RASGRP1: variants seen among roughly 807,000 people sequenced by gnomAD.
RASGRP1 encodes RAS guanyl releasing protein 1.
A neutral mutation model predicts 95.1 loss-of-function variants in RASGRP1; 37 were observed. The observed-to-expected ratio is 0.39, with a 90% CI of 0.30 to 0.51. The LOEUF is 0.51. RASGRP1 is among the 20% of genes least tolerant of loss of function. RASGRP1 has a pLI of 0.80. For missense variants in RASGRP1, 711 were observed against 965.4 expected, an observed-to-expected ratio of 0.74 and a Z score of 3.49; for synonymous variants, 325 against 353.4, an observed-to-expected ratio of 0.92 and a Z score of 0.90.
At chr15:38,499,110 G>C in intron 14 of RASGRP1, 164 bp from the exon 15 acceptor site, 1 of 962,000 alleles carries the variant, frequency 1.0e-6, no homozygotes, top group Non-Finnish European at 1.7e-6. Flanking sequence ...CTTCTCACTT[G>C]GTGAAGCCCA....
At chr15:38,536,491 T>C (rs1037692378) in intron 2 of RASGRP1, among the ~76,000 whole-genome samples, 4 of 152,256 alleles carry the variant, frequency 2.6e-5, no homozygotes, top group Non-Finnish European at 4.4e-5. Context: ...TTTTCAGACA[T>C]GCCCAATAGG....
At chr15:38,530,792 A>C (rs1892403708) in intron 2 of RASGRP1, among the ~76,000 whole-genome samples, 1 of 152,228 alleles carries the variant, frequency 6.6e-6, no homozygotes, top group East Asian at 1.9e-4. Flanking sequence ...CTATGGAAGG[A>C]TTCCAGGAAC....
chr15:38,548,950 A>G (rs1271184191), intron 2 of RASGRP1, among the ~76,000 whole-genome samples: 4 of 152,210 alleles, frequency 2.6e-5, no homozygotes, highest in Non-Finnish European at 5.9e-5. Flanking sequence ...CACAGACACA[A>G]TAAATGTAGG....
chr15:38,521,100 G>C (rs996934821), intron 3 of RASGRP1, among the ~76,000 whole-genome samples: 12 of 152,234 alleles, frequency 7.9e-5, no homozygotes, highest in African/African-American at 2.9e-4. Context: ...TTTTATGCCT[G>C]CCTTTCTTTG....
chr15:38,520,199 G>A (rs1168063893), intron 3 of RASGRP1, among the ~76,000 whole-genome samples: 1 of 152,218 alleles, frequency 6.6e-6, no homozygotes, highest in Non-Finnish European at 1.5e-5. Context: ...ATCAGGCTAT[G>A]TGGGCTCTGT....
At chr15:38,503,429 C>T in intron 10 of RASGRP1, 53 bp from the exon 11 acceptor site, 1 of 1,315,794 alleles carries the variant, frequency 7.6e-7, no homozygotes, top group Non-Finnish European at 1.1e-6. Context: ...ATATTATAAC[C>T]TATAGCTCTT....
rs572605653 is a variant in RASGRP1, at chr15:38,497,402, T to C, written c.1873+1392A>G. 3.8e-3 allele frequency among the ~76,000 whole-genome samples: 576 copies of C among 150,072 alleles called. 1 individual carries two copies. The highest frequency in any genetic ancestry group is 6.9e-3 in the Middle Eastern group (2 of 290). The stretch of plus-strand genomic sequence containing the variant: ...AATCGCCTTAACACCTTTTTTTTTT[T>C]CCCACTATCCCAATAGTACTAAAGC... On this transcript the variant is annotated intron_variant, in intron 15 of 16. Transcript: ENST00000310803.
chr15:38,503,321 G>A lies in RASGRP1; in HGVS notation c.1379C>T (p.Pro460Leu). The change falls in exon 11 of 17, where the codon CCC becomes CTC. Residue 460 changes from proline to leucine, a missense_variant. Physicochemically the swap from Pro to Leu is moderately conservative, Grantham distance 98 (BLOSUM62 -3). Coordinates refer to ENST00000310803, the MANE Select transcript of RASGRP1 (RefSeq NM_005739.4). Reference sequence around the variant, plus strand: ...GCTAATGGTTTTTGGATCAGGTTTGGGAGACACTCCAGAAGCCCAGTCCAC... The same window carrying A: ...GCTAATGGTTTTTGGATCAGGTTTGAGAGACACTCCAGAAGCCCAGTCCAC... ...VVVDWASGVS[P>L]KPDPKTISKH... 3 of 1,612,972 alleles carry A rather than the reference G, an allele frequency of 1.9e-6. No individual in the cohort carries two copies. The South Asian group carries it at 3.3e-5, about 18-fold the overall frequency.
chr15:38,555,656 G>A (rs746681851), intron 2 of RASGRP1, among the ~76,000 whole-genome samples: 1 of 141,278 alleles, frequency 7.1e-6, no homozygotes, highest in Non-Finnish European at 1.5e-5. Flanking sequence ...TTGTTCAATG[G>A]AGAGAGTAAT....
At chr15:38,520,661 T>C (rs1313351818) in intron 3 of RASGRP1, among the ~76,000 whole-genome samples, 1 of 152,110 alleles carries the variant, frequency 6.6e-6, no homozygotes, top group Non-Finnish European at 1.5e-5. Flanking sequence ...TTTAATCTAT[T>C]AGAGTTATAA....
chr15:38,502,980 C>G (rs1853972268), intron 11 of RASGRP1: 1 of 448,414 alleles, frequency 2.2e-6, no homozygotes, highest in Non-Finnish European at 4.0e-6. Flanking sequence ...TTACCCCTTA[C>G]TATACTCAAA....
At chr15:38,520,218 G>A (rs560272801) in intron 3 of RASGRP1, among the ~76,000 whole-genome samples, 2 of 152,318 alleles carry the variant, frequency 1.3e-5, no homozygotes, top group Non-Finnish European at 2.9e-5. Flanking sequence ...GTGCCCGCCC[G>A]TAAAGGCCAT....
intron 13 of RASGRP1, among the ~76,000 whole-genome samples, chr15:38,500,401 G>T (rs1016516600): frequency 2.0e-5 from 3 of 151,966 alleles, no homozygotes; most frequent in Non-Finnish European, 2.9e-5. Flanking sequence ...GAGTGCAGTG[G>T]TGCGATCTCG....
chr15:38,537,986 G>C (rs1892724670), intron 2 of RASGRP1, among the ~76,000 whole-genome samples: 1 of 152,194 alleles, frequency 6.6e-6, no homozygotes, highest in South Asian at 2.1e-4. Flanking sequence ...TCAAGGGGCT[G>C]GGCACGGTGG....
intron 2 of RASGRP1, among the ~76,000 whole-genome samples, chr15:38,535,469 T>C (rs1892608684): frequency 6.6e-6 from 1 of 152,212 alleles, no homozygotes; most frequent in Admixed American, 6.5e-5. Flanking sequence ...CCCACCACTT[T>C]TCATGACATC....
intron 10 of RASGRP1, among the ~76,000 whole-genome samples, chr15:38,505,414 T>A (rs989878297): frequency 6.6e-6 from 1 of 152,176 alleles, no homozygotes; most frequent in Non-Finnish European, 1.5e-5. Context: ...AGCTTCTGAT[T>A]AGTACGCATA....
intron 3 of RASGRP1, among the ~76,000 whole-genome samples, chr15:38,522,397 G>A (rs1055242774): frequency 2.6e-5 from 4 of 151,966 alleles, no homozygotes; most frequent in Non-Finnish European, 5.9e-5. Flanking sequence ...ATTGCAAAAC[G>A]GACTGAAGTT....
intron 9 of RASGRP1, among the ~76,000 whole-genome samples, chr15:38,506,635 C>CAAAA (rs370153317): frequency 5.6e-5 from 4 of 71,594 alleles, no homozygotes; most frequent in East Asian, 3.7e-4. Context: ...ACCTTGTCTC[C>CAAAA]AAAAAAAAAA....
At position 38,529,314 on chromosome 15, in the gene RASGRP1, CACT is replaced by C. The variant is rs1369658396; in HGVS notation, c.221-2913_221-2911del. 7.2e-5 allele frequency among the ~76,000 whole-genome samples: 11 copies of C among 152,332 alleles called. No individual in the cohort carries two copies. The East Asian group carries it at 1.9e-3, about 27-fold the overall frequency. ...GGACTCCTTACTGTGGCCAAAAAAG[CACT>C]ACATGTCCTGGCCTCTTTAAATATC... is the stretch of plus-strand genomic sequence containing the variant. On this transcript the variant is annotated intron_variant, in intron 2 of 16. Coordinates refer to ENST00000310803, the MANE Select transcript of RASGRP1 (RefSeq NM_005739.4).
Sources: gnomAD v4.1 joint callset for allele counts (sites outside exome capture counted in the v4.1 genomes callset) on GRCh38, gnomAD v4.1.1 for gene constraint, MANE v1.5 for transcripts, NCBI Gene and HGNC (gene_info 2026-07-23, HGNC 2026-07-21) for gene names.